The following KYAT3 variants were observed in gnomAD, a reference collection of about 807,000 sequenced individuals.
The protein encoded by KYAT3 is kynurenine aminotransferase 3.
Under a neutral mutation model 59.0 loss-of-function variants are expected in KYAT3, and 50 were observed. The ratio of observed to expected loss-of-function variants is 0.85; its 90% confidence interval spans 0.68 to 1.07. The LOEUF (loss-of-function observed/expected upper bound fraction) is 1.07, where lower values mean the gene tolerates loss of function less well. Ranked by LOEUF, KYAT3 falls within the 50% of genes least tolerant of loss-of-function variation. KYAT3 has a pLI of 0.00. For synonymous variants in KYAT3, 148 were observed against 177.0 expected, an observed-to-expected ratio of 0.84 and a Z score of 1.30; for missense variants, 497 against 533.3, an observed-to-expected ratio of 0.93 and a Z score of 0.67.
intron 4 of KYAT3, among the ~76,000 whole-genome samples, chr1:88,965,391 A>T (rs762874579): frequency 2.6e-5 from 4 of 152,182 alleles, no homozygotes; most frequent in Non-Finnish European, 5.9e-5. Context: ...ATTGCTGGAG[A>T]GATGGTTATG....
At chr1:88,969,257 AT>A (rs1376072439) in intron 3 of KYAT3, 151 bp downstream of exon 3, 3 of 649,414 alleles carry the variant, frequency 4.6e-6, no homozygotes, top group Admixed American at 6.0e-5. Flanking sequence ...CAGTATATGG[AT>A]TGCTAACTTC....
intron 2 of KYAT3, among the ~76,000 whole-genome samples, chr1:88,971,089 CTA>C (rs1676539062): frequency 6.6e-6 from 1 of 152,176 alleles, no homozygotes; most frequent in Admixed American, 6.5e-5. Flanking sequence ...GTTGAAATAT[CTA>C]TCTTAACAAA....
downstream of KYAT3, among the ~76,000 whole-genome samples, chr1:88,931,234 G>A (rs1043039358): frequency 6.6e-6 from 1 of 152,186 alleles, no homozygotes; most frequent in Non-Finnish European, 1.5e-5. Flanking sequence ...GGCCTGTGAA[G>A]TGTGGCAAAG....
chr1:88,921,940 C>T, the KYAT3 span, among the ~76,000 whole-genome samples: 1 of 152,182 alleles, frequency 6.6e-6, no homozygotes, highest in African/African-American at 2.4e-5. Flanking sequence ...AAATATTAAT[C>T]TCATCAAAAA....
chr1:88,970,628 G>A (rs1349562251), intron 2 of KYAT3, among the ~76,000 whole-genome samples: 1 of 152,122 alleles, frequency 6.6e-6, no homozygotes, highest in African/African-American at 2.4e-5. Context: ...AGCAAGCTAA[G>A]GCTGTAGTAG....
At chr1:88,973,518 C>A (rs939656450) in intron 2 of KYAT3, among the ~76,000 whole-genome samples, 2 of 152,096 alleles carry the variant, frequency 1.3e-5, no homozygotes, top group African/African-American at 2.4e-5. Flanking sequence ...GAGTCCCAGG[C>A]AAGTAAGGGA....
At chr1:88,942,764 G>A (rs1018102887) in intron 13 of KYAT3, among the ~76,000 whole-genome samples, 1 of 151,860 alleles carries the variant, frequency 6.6e-6, no homozygotes, top group Admixed American at 6.6e-5. Flanking sequence ...GGGTTTCACT[G>A]TGTTATCCAG....
At chr1:88,951,146 C>A (rs1178567567) in intron 10 of KYAT3, among the ~76,000 whole-genome samples, 4 of 152,174 alleles carry the variant, frequency 2.6e-5, no homozygotes, top group Admixed American at 6.5e-5. Context: ...CTATTTAACA[C>A]TGTATATCTC....
intron 8 of KYAT3, among the ~76,000 whole-genome samples, chr1:88,960,017 A>C (rs1676078478): frequency 8.1e-6 from 1 of 123,084 alleles, no homozygotes; most frequent in Non-Finnish European, 1.7e-5. Flanking sequence ...GCAGTGAGCC[A>C]GTGGTGCCTG....
In KYAT3 at chr1:88,943,858, T is replaced by A. The variant is rs577517981; in HGVS notation, c.1142-435A>T. On this transcript the variant is annotated intron_variant, in intron 11 of 13. Transcript: ENST00000260508. ...ATAAGTTCCACAAAAGTAAAGTGTCTGTTTGGTAACCTATCGTATTCCCAA... is the reference window on the plus strand; with the variant it reads ...ATAAGTTCCACAAAAGTAAAGTGTCAGTTTGGTAACCTATCGTATTCCCAA... 7.9e-5 allele frequency among the ~76,000 whole-genome samples: 12 copies of A among 152,358 alleles called. No homozygotes were observed. In the South Asian group the frequency reaches 2.5e-3, roughly 32 times the overall value.
At chr1:88,968,114 C>T (rs1449668196) in intron 4 of KYAT3, among the ~76,000 whole-genome samples, 1 of 152,154 alleles carries the variant, frequency 6.6e-6, no homozygotes, top group African/African-American at 2.4e-5. Context: ...CAGGCTTCCT[C>T]CTATACCATT....
rs1476404776 is a variant in KYAT3, at chr1:88,935,924, C to A, written c.*259G>T. The A allele has an allele frequency of 9.4e-6, 4 of 423,632 alleles. No homozygotes were observed. The highest frequency in any genetic ancestry group is 1.7e-5 in the Non-Finnish European group (4 of 238,228). The allele number at this position is 423,632 out of a possible 1,614,324, so 26.2% of individuals were successfully genotyped here. On this transcript the variant is annotated 3_prime_UTR_variant, in exon 14 of 14. Coordinates refer to ENST00000260508, the MANE Select transcript of KYAT3 (RefSeq NM_001008661.3). ...ACCGAGTTACTGAGAGGTTAAACAT[C>A]TCACATTTCTTATCCACTATGTTAT... is the stretch of plus-strand genomic sequence containing the variant.
chr1:88,925,891 C>T, the KYAT3 span, among the ~76,000 whole-genome samples: 4 of 152,184 alleles, frequency 2.6e-5, no homozygotes, highest in South Asian at 2.1e-4. Flanking sequence ...AATTGAAGGT[C>T]TTCTCCCTGA....
intron 10 of KYAT3, among the ~76,000 whole-genome samples, chr1:88,949,880 A>C (rs751431453): frequency 1.3e-5 from 2 of 152,176 alleles, no homozygotes; most frequent in Admixed American, 6.5e-5. Context: ...GAAAAAGCCA[A>C]TGTTGTTAAG....
At chr1:88,955,116 A>G (rs369898628) in intron 9 of KYAT3, 33 bp downstream of exon 9, 23 of 1,405,234 alleles carry the variant, frequency 1.6e-5, no homozygotes, top group Admixed American at 3.4e-5. Flanking sequence ...ATACAGGCCT[A>G]TTTTTAAGCA....
At chr1:88,979,619 G>A (rs749316431) in intron 2 of KYAT3, 4 of 152,106 alleles carry the variant, frequency 2.6e-5, no homozygotes, top group Admixed American at 6.5e-5. Flanking sequence ...TTAGTCACCC[G>A]GGGAAATGAA....
the KYAT3 span, among the ~76,000 whole-genome samples, chr1:88,922,689 C>T: frequency 5.9e-5 from 9 of 152,168 alleles, no homozygotes; most frequent in East Asian, 1.9e-4. Flanking sequence ...AAAACCGGTC[C>T]CTGGTGCCAA....
rs1384552657 is a variant in KYAT3, at chr1:88,948,660, A to AT, written c.1141+430dup. Among the ~76,000 whole-genome samples, 5 of 152,298 alleles carry AT rather than the reference A, an allele frequency of 3.3e-5. No homozygotes were observed. In the East Asian group the frequency reaches 9.6e-4, roughly 29 times the overall value. ...TAAGTGTTATTCTCCCATTTATTTTATTTCAGTACATTCTAAAATGGCAAA... is the reference window on the plus strand; with the variant it reads ...TAAGTGTTATTCTCCCATTTATTTTATTTTCAGTACATTCTAAAATGGCAAA... On this transcript the variant is annotated intron_variant, in intron 11 of 13. Coordinates refer to ENST00000260508, the MANE Select transcript of KYAT3 (RefSeq NM_001008661.3).
intron 5 of KYAT3, among the ~76,000 whole-genome samples, chr1:88,963,210 A>T (rs1349834599): frequency 6.6e-6 from 1 of 152,170 alleles, no homozygotes; most frequent in Non-Finnish European, 1.5e-5. Flanking sequence ...TCAAAATACT[A>T]GATAAGTTGA....
Sources: gnomAD v4.1 joint callset for allele counts (sites outside exome capture counted in the v4.1 genomes callset) on GRCh38, gnomAD v4.1.1 for gene constraint, MANE v1.5 for transcripts, NCBI Gene and HGNC (gene_info 2026-07-23, HGNC 2026-07-21) for gene names.